GPR155: variants seen among roughly 807,000 people sequenced by gnomAD.
GPR155 encodes the protein G protein-coupled receptor 155, also known as lysosomal cholesterol signaling protein.
In GPR155, 65 loss-of-function variants were observed where a neutral mutation model predicts 93.1. The observed-to-expected ratio is 0.70, with a 90% CI of 0.57 to 0.86. The LOEUF is 0.86. GPR155 is among the 40% of genes least tolerant of loss of function. The pLI is 0.00. For synonymous variants in GPR155, 319 were observed against 360.1 expected, an observed-to-expected ratio of 0.89 and a Z score of 1.29; for missense variants, 838 against 1,034.8, an observed-to-expected ratio of 0.81 and a Z score of 2.61.
chr2:174,485,319 G>T (rs1328302378), intron 1 of GPR155, among the ~76,000 whole-genome samples: 1 of 152,100 alleles, frequency 6.6e-6, no homozygotes, highest in Non-Finnish European at 1.5e-5. Context: ...AAAAAGGGCC[G>T]GGCGCAGTGG....
At chr2:174,460,247 T>A (rs1369624093) in intron 9 of GPR155, among the ~76,000 whole-genome samples, 159 bp from the exon 10 acceptor site, 1 of 147,444 alleles carries the variant, frequency 6.8e-6, no homozygotes, top group Non-Finnish European at 1.5e-5. Flanking sequence ...TGCAACCTCT[T>A]CCTCCCAGGT....
chr2:174,482,373 G>A (rs1303201477), intron 1 of GPR155, among the ~76,000 whole-genome samples: 1 of 152,136 alleles, frequency 6.6e-6, no homozygotes, highest in Non-Finnish European at 1.5e-5. Context: ...AGGGCATCGG[G>A]CACACATAGT....
At chr2:174,452,844 G>A (rs973497583) in intron 11 of GPR155, among the ~76,000 whole-genome samples, 7 of 152,128 alleles carry the variant, frequency 4.6e-5, no homozygotes, top group African/African-American at 1.7e-4. Context: ...TAGAGACGGG[G>A]TTTCACCATG....
rs1686743551 is a variant in GPR155, at chr2:174,435,308, GTTTTTC to G, written c.*802_*807del. On this transcript the variant is annotated 3_prime_UTR_variant, in exon 16 of 16. Coordinates refer to ENST00000392552, the MANE Select transcript of GPR155 (RefSeq NM_152529.7). ...CATCTGTAGTGAACATGTACAGACT[GTTTTTC>G]TTATTGTTATTCCCTAAACAATACA... 6.6e-6 allele frequency: 1 copy of G among 151,936 alleles called. No individual in the cohort carries two copies. The highest frequency in any genetic ancestry group is 2.4e-5 in the African/African-American group (1 of 41,360). 9.4% of individuals were successfully genotyped at this position (151,936 alleles called of 1,614,324 possible). A position where few individuals can be genotyped will look rare whatever the true frequency, so the allele number is the denominator to read the frequency against.
chr2:174,440,169 A>G, intron 14 of GPR155, 134 bp from the exon 15 acceptor site: 2 of 643,506 alleles, frequency 3.1e-6, no homozygotes, highest in Non-Finnish European at 5.3e-6. Context: ...ATACCCAGAC[A>G]TCGTTAGTCT....
At position 174,431,698 on chromosome 2, in the gene GPR155, C is replaced by G. The variant is rs1686649460; in HGVS notation, c.*4418G>C. On this transcript the variant is annotated 3_prime_UTR_variant, in exon 16 of 16. Transcript: ENST00000392552. ...CCAGCCATCACTCATGACAGGACTA[C>G]CTATGTGCAGTGGCCTAAAGTAATT... The G allele has an allele frequency of 6.6e-6, 1 of 152,182 alleles. No individual in the cohort carries two copies. The highest frequency in any genetic ancestry group is 2.4e-5 in the African/African-American group (1 of 41,440). The allele number at this position is 152,182 out of a possible 1,614,324, so 9.4% of individuals were successfully genotyped here.
intron 10 of GPR155, among the ~76,000 whole-genome samples, chr2:174,454,652 G>T (rs1422096313): frequency 1.5e-5 from 2 of 136,128 alleles, no homozygotes; most frequent in South Asian, 2.1e-4. Flanking sequence ...GAAGGAGGGA[G>T]GGAAGAAGGG....
chr2:174,461,715 GATC>G (rs1687703766), intron 7 of GPR155, 43 bp from the exon 8 acceptor site: 1 of 1,071,732 alleles, frequency 9.3e-7, no homozygotes, highest in South Asian at 1.3e-5. Context: ...ACTCAACATT[GATC>G]AGACTTTATG....
intron 10 of GPR155, among the ~76,000 whole-genome samples, chr2:174,457,301 G>C (rs1013212282): frequency 7.2e-5 from 11 of 152,154 alleles, no homozygotes; most frequent in African/African-American, 1.9e-4. Context: ...GACAGAGAAA[G>C]ACTTTGTTTC....
chr2:174,478,232 CTTTTAT>C (rs1473335262), intron 2 of GPR155, among the ~76,000 whole-genome samples: 1 of 152,076 alleles, frequency 6.6e-6, no homozygotes, highest in Admixed American at 6.6e-5. Context: ...CAGTGAGCTT[CTTTTAT>C]TTTTATTTTT....
chr2:174,450,320 G>A (rs533189989), intron 11 of GPR155, among the ~76,000 whole-genome samples: 2 of 152,192 alleles, frequency 1.3e-5, no homozygotes, highest in South Asian at 4.1e-4. Context: ...TGGGGACTAC[G>A]AGAGGTGGAA....
chr2:174,481,800 C>A lies in GPR155; in HGVS notation c.157G>T (p.Val53Phe). Residue 53 changes from valine (V) to phenylalanine (F), a missense_variant, in exon 2 of 16, where the codon GTC (valine) becomes TTC (phenylalanine). This residue lies in a region of GPR155 where 663 missense variants were observed against 790.1 expected (regional missense o/e 0.84). Transcript: ENST00000392552. ...CTTCCTGCTATGTAGCCACAAAGGA[C>A]AATGCCAAAGCATTCCAGTAAGGCT... ...FPALLECFGI[V>F]LCGYIAGRAN... 6.2e-7 allele frequency: 1 copy of A among 1,614,200 alleles called. No homozygotes were observed.
intron 3 of GPR155, among the ~76,000 whole-genome samples, chr2:174,471,327 G>A (rs941873784): frequency 2.6e-5 from 4 of 151,138 alleles, no homozygotes; most frequent in Non-Finnish European, 4.4e-5. Context: ...AGGAGGTGGA[G>A]GTGCAGTGAG....
chr2:174,482,487 G>T (rs1030617149), intron 1 of GPR155, among the ~76,000 whole-genome samples: 1 of 152,174 alleles, frequency 6.6e-6, no homozygotes, highest in Non-Finnish European at 1.5e-5. Flanking sequence ...CCAGCCCGTG[G>T]TCATATTTGA....
At chr2:174,467,983 G>A (rs1361070401) in intron 5 of GPR155, among the ~76,000 whole-genome samples, 3 of 152,166 alleles carry the variant, frequency 2.0e-5, no homozygotes, top group Non-Finnish European at 4.4e-5. Context: ...TGATCTGCCT[G>A]CCTCTGCCTC....
At chr2:174,440,977 C>G (rs1043430809) in intron 14 of GPR155, among the ~76,000 whole-genome samples, 2 of 152,078 alleles carry the variant, frequency 1.3e-5, no homozygotes, top group Non-Finnish European at 2.9e-5. Flanking sequence ...AGGGGCACAC[C>G]ACCTACTACT....
At chr2:174,461,777 G>A in intron 7 of GPR155, 105 bp from the exon 8 acceptor site, 1 of 674,656 alleles carries the variant, frequency 1.5e-6, no homozygotes, top group East Asian at 2.7e-5. Flanking sequence ...TTTCATAGTA[G>A]TGTGTGGTTT....
At chr2:174,457,734 T>G (rs1687561115) in intron 10 of GPR155, among the ~76,000 whole-genome samples, 1 of 152,108 alleles carries the variant, frequency 6.6e-6, no homozygotes, top group African/African-American at 2.4e-5. Flanking sequence ...GGATTAGAGG[T>G]GTGAGCCACC....
At position 174,434,232 on chromosome 2, in the gene GPR155, A is replaced by T. The variant is rs1386203243; in HGVS notation, c.*1884T>A. On this transcript the variant is annotated 3_prime_UTR_variant, in exon 16 of 16. Transcript: ENST00000392552. ...GCAATTCACCTGCCTCGGCCTCCCA[A>T]AGTGCTGGGATTACAGGTATGAGTC... is the stretch of plus-strand genomic sequence containing the variant. 6.6e-6 allele frequency: 1 copy of T among 151,498 alleles called. No homozygotes were observed. The highest frequency in any genetic ancestry group is 2.4e-5 in the African/African-American group (1 of 41,208). 9.4% of individuals were successfully genotyped at this position (151,498 alleles called of 1,614,324 possible).
Sources: allele counts gnomAD v4.1 joint callset (sites outside exome capture counted in the v4.1 genomes callset), GRCh38; gene constraint gnomAD v4.1.1; regional missense constraint gnomAD v4.1.1; transcripts MANE v1.5; gene names NCBI Gene and HGNC (gene_info 2026-07-23, HGNC 2026-07-21).